Variants in WNT2 observed in about 807,000 individuals in gnomAD.
WNT2 encodes the protein Wnt family member 2.
Under a neutral mutation model 36.9 loss-of-function variants are expected in WNT2, and 12 were observed. The observed-to-expected ratio is 0.33, with a 90% confidence interval of 0.21 to 0.53. The LOEUF (loss-of-function observed/expected upper bound fraction) is 0.53, where lower values mean the gene tolerates loss of function less well. Among genes scored for constraint, WNT2 ranks in the 20% least tolerant of loss-of-function variants. The pLI is 0.95. For missense variants in WNT2, 379 were observed against 473.1 expected, an observed-to-expected ratio of 0.80 and a Z score of 1.84; for synonymous variants, 163 against 174.6, an observed-to-expected ratio of 0.93 and a Z score of 0.52.
At position 117,323,023 on chromosome 7, in the gene WNT2, C is replaced by G; in HGVS notation, c.-34G>C. 2 of 1,576,632 alleles carry G rather than the reference C, an allele frequency of 1.3e-6. No homozygotes were observed. Among genetic ancestry groups the G allele is most frequent in the Non-Finnish European group, 1.7e-6 (2 of 1,161,314 alleles). On this transcript the variant is annotated 5_prime_UTR_variant, in exon 1 of 5. Coordinates refer to ENST00000265441, the MANE Select transcript of WNT2 (RefSeq NM_003391.3). ...CCTTGCGTCTGCATCAGGTCAGACT[C>G]CGTGTGCGGGCGCCATGCGTGCCCA... is the stretch of plus-strand genomic sequence containing the variant.
In WNT2 at chr7:117,277,981, C is replaced by A. The variant is rs1196331187; in HGVS notation, c.*174G>T. On this transcript the variant is annotated 3_prime_UTR_variant, in exon 5 of 5. Coordinates refer to ENST00000265441, the MANE Select transcript of WNT2 (RefSeq NM_003391.3). ...GATAGAATAGGGTAGGCTTTAGGTG[C>A]AGCGTGTGGCCCCCCCATCCTGGGG... The A allele has an allele frequency of 6.2e-6, 4 of 642,492 alleles. No individual in the cohort carries two copies. In the East Asian group the frequency reaches 1.1e-4, roughly 18 times the overall value. The allele number at this position is 642,492 out of a possible 1,614,324, so 39.8% of individuals were successfully genotyped here.
At chr7:117,301,758 ATTTGAATTGTGAT>A (rs1487073324) in intron 3 of WNT2, among the ~76,000 whole-genome samples, 1 of 148,272 alleles carries the variant, frequency 6.7e-6, no homozygotes, top group Non-Finnish European at 1.5e-5. Flanking sequence ...TTGAATTATG[ATTTGAATTGTGAT>A]TTTGAATTAT....
At position 117,278,294 on chromosome 7, in the gene WNT2, G is replaced by C. The variant is rs776013543; in HGVS notation, c.944C>G (p.Thr315Ser). Residue 315 changes from threonine (T) to serine (S), a missense_variant, in exon 5 of 5, where the codon ACC becomes AGC. By Grantham distance (58) the Thr-to-Ser change is moderately conservative. Coordinates refer to ENST00000265441, the MANE Select transcript of WNT2 (RefSeq NM_003391.3). ...CTTGGTCATCCGGGTGACATGGGAG[G>C]TGTCGTAGCCTCTCCCACAGCACAT... ...EVMCCGRGYD[T>S]SHVTRMTKCG... is the part of the protein sequence containing the mutation. 1.9e-6 allele frequency: 3 copies of C among 1,614,244 alleles called. No individual in the cohort carries two copies. The highest frequency in any genetic ancestry group is 2.5e-6 in the Non-Finnish European group (3 of 1,180,048).
Position 117,322,811 on chromosome 7 carries a change from C to T in WNT2, c.83+96G>A. The T allele has an allele frequency of 6.2e-6, 8 of 1,289,112 alleles. No homozygotes were observed. The South Asian group carries it at 7.3e-5, about 12-fold the overall frequency. The allele number at this position is 1,289,112 out of a possible 1,614,324, so 79.9% of individuals were successfully genotyped here. A position where few individuals can be genotyped will look rare whatever the true frequency, so the allele number is the denominator to read the frequency against. On this transcript the variant is annotated intron_variant, in intron 1 of 4. Transcript: ENST00000265441. The surrounding 1 kb of genome is among the most constrained non-coding windows in gnomAD (Gnocchi z 5.4). ...TTCGGGCCAGAATCCGAGACTGCTG[C>T]GGCCGCGGGGGAACGCAGCCAGGAA...
chr7:117,279,361 G>C (rs534934890), intron 4 of WNT2, among the ~76,000 whole-genome samples: 110 of 152,220 alleles, frequency 7.2e-4, no homozygotes, highest in Non-Finnish European at 1.2e-3. Flanking sequence ...TGGGCACCTG[G>C]CAGCCATGTT....
chr7:117,322,868 G>A lies in WNT2; in HGVS notation c.83+39C>T, dbSNP rs1323887578. Reference sequence around the variant, plus strand: ...ATGTGGCCAATGCGGTCCCCATTCCGATCTCCAAAATCCCCCGCGCCCGTG... The same window carrying A: ...ATGTGGCCAATGCGGTCCCCATTCCAATCTCCAAAATCCCCCGCGCCCGTG... On this transcript the variant is annotated intron_variant, in intron 1 of 4. Transcript: ENST00000265441. This position sits in a 1 kb window ranked among gnomAD's most constrained non-coding sequence, Gnocchi z 5.4. The A allele has an allele frequency of 6.3e-7, 1 of 1,590,242 alleles. No homozygotes were observed. Among genetic ancestry groups the A allele is most frequent in the Admixed American group, 1.7e-5 (1 of 59,088 alleles).
intron 3 of WNT2, among the ~76,000 whole-genome samples, chr7:117,311,781 C>G (rs1458089571): frequency 7.9e-5 from 12 of 152,114 alleles, no homozygotes; most frequent in Non-Finnish European, 1.5e-4. Flanking sequence ...CTATTACATG[C>G]CAGGTTCTGT....
intron 3 of WNT2, among the ~76,000 whole-genome samples, chr7:117,298,345 G>T (rs1022042124): frequency 2.6e-5 from 4 of 152,138 alleles, no homozygotes; most frequent in Admixed American, 2.6e-4. Flanking sequence ...ACCAATCAGG[G>T]TAATTGTACT....
chr7:117,317,412 C>A (rs1156638320), intron 2 of WNT2, among the ~76,000 whole-genome samples: 1 of 152,170 alleles, frequency 6.6e-6, no homozygotes, highest in Admixed American at 6.5e-5. Context: ...TATTCAAACA[C>A]ATTACTAAAT....
intron 4 of WNT2, among the ~76,000 whole-genome samples, chr7:117,282,456 A>G (rs1157854860): frequency 1.3e-5 from 2 of 149,808 alleles, no homozygotes; most frequent in African/African-American, 2.5e-5. Context: ...AGAGGAGGAG[A>G]GGAAGGAGGA....
At chr7:117,279,676 C>G (rs140768187) in intron 4 of WNT2, among the ~76,000 whole-genome samples, 3 of 152,156 alleles carry the variant, frequency 2.0e-5, no homozygotes, top group Admixed American at 2.0e-4. Flanking sequence ...GGCCTGACTG[C>G]ATTCGAACGT....
intron 3 of WNT2, among the ~76,000 whole-genome samples, chr7:117,309,590 A>C (rs1369765348): frequency 6.6e-6 from 1 of 151,986 alleles, no homozygotes; most frequent in African/African-American, 2.4e-5. Context: ...AATGGTACCT[A>C]CCCCTGAGGC....
intron 4 of WNT2, among the ~76,000 whole-genome samples, chr7:117,286,842 C>T (rs866782898): frequency 1.3e-5 from 2 of 152,092 alleles, no homozygotes. Context: ...TTGACTGGCA[C>T]AGGAAAGCAT....
At position 117,308,948 on chromosome 7, in the gene WNT2, C is replaced by T. The variant is rs1193232719; in HGVS notation, c.588+6123G>A. On this transcript the variant is annotated intron_variant, in intron 3 of 4. Coordinates refer to ENST00000265441, the MANE Select transcript of WNT2 (RefSeq NM_003391.3). ...CCTGTAATCCTAGTACTTTGGGAGG[C>T]CATGGCAGGAGGATCACTTGGGCCC... Among the ~76,000 whole-genome samples the T allele has an allele frequency of 2.0e-5, 3 of 151,844 alleles. No individual in the cohort carries two copies. In the East Asian group the frequency reaches 5.8e-4, roughly 29 times the overall value.
chr7:117,289,575 A>AAGAT (rs1794648001), intron 4 of WNT2, among the ~76,000 whole-genome samples: 1 of 152,246 alleles, frequency 6.6e-6, no homozygotes, highest in African/African-American at 2.4e-5. Context: ...TTAAGCTATG[A>AAGAT]AGCAGCGCTA....
At chr7:117,321,111 G>A (rs554833250) in intron 1 of WNT2, among the ~76,000 whole-genome samples, 2 of 152,286 alleles carry the variant, frequency 1.3e-5, no homozygotes, top group South Asian at 2.1e-4. Context: ...AGTGAATGAC[G>A]GGTAAGAAGC....
intron 3 of WNT2, among the ~76,000 whole-genome samples, chr7:117,303,584 G>T (rs1794954520): frequency 1.3e-5 from 2 of 152,194 alleles, no homozygotes; most frequent in Non-Finnish European, 2.9e-5. Flanking sequence ...CCCATGCACA[G>T]CCGCTGATGG....
At chr7:117,282,929 G>C (rs1401091686) in intron 4 of WNT2, among the ~76,000 whole-genome samples, 1 of 152,108 alleles carries the variant, frequency 6.6e-6, no homozygotes, top group Non-Finnish European at 1.5e-5. Context: ...AAGGTGAGGA[G>C]GCAGGACCTG....
At chr7:117,281,047 G>C (rs952912909) in intron 4 of WNT2, among the ~76,000 whole-genome samples, 10 of 152,208 alleles carry the variant, frequency 6.6e-5, no homozygotes, top group Non-Finnish European at 1.3e-4. Context: ...GGTAGCATTA[G>C]AGATAGGTGT....
Sources: allele counts gnomAD v4.1 joint callset (sites outside exome capture counted in the v4.1 genomes callset), GRCh38; gene constraint gnomAD v4.1.1; non-coding constraint Gnocchi (gnomAD v3.1); transcripts MANE v1.5; gene names NCBI Gene and HGNC (gene_info 2026-07-23, HGNC 2026-07-21).